Variants in MYO18B observed in about 807,000 individuals in gnomAD.
MYO18B encodes myosin XVIIIB, also known as unconventional myosin-XVIIIb.
Under a neutral mutation model 273.0 loss-of-function variants are expected in MYO18B, and 204 were observed. That is an observed-to-expected ratio of 0.75 (90% CI 0.67 to 0.84). MYO18B has a LOEUF of 0.84. MYO18B is among the 40% of genes least tolerant of loss of function. The pLI, the probability that MYO18B is intolerant of heterozygous loss-of-function variation, is 0.00. For missense variants in MYO18B, 3,212 were observed against 3,287.6 expected, an observed-to-expected ratio of 0.98 and a Z score of 0.56; for synonymous variants, 1,330 against 1,305.7, an observed-to-expected ratio of 1.02 and a Z score of -0.40.
At position 25,781,728 on chromosome 22, in the gene MYO18B, C is replaced by T. The variant is rs2087167070; in HGVS notation, c.2212-6C>T. 6.5e-7 allele frequency: 1 copy of T among 1,538,724 alleles called. No homozygotes were observed. The highest frequency in any genetic ancestry group is 2.0e-5 in the Admixed American group (1 of 48,930). ...CTGACTGGGTGCCCCTCTTCTCTCC[C>T]TGCAGACAATGCTTTTGGAGAAGAG... is the stretch of plus-strand genomic sequence containing the variant. On this transcript the variant is annotated splice_region_variant and splice_polypyrimidine_tract_variant and intron_variant, in intron 9 of 43. Transcript: ENST00000335473.
chr22:25,925,731 C>T (rs1432198470), intron 34 of MYO18B, among the ~76,000 whole-genome samples: 2 of 150,406 alleles, frequency 1.3e-5, no homozygotes, highest in African/African-American at 4.9e-5. Flanking sequence ...ATGGTGAAAC[C>T]CTGTCTCTAC....
intron 11 of MYO18B, among the ~76,000 whole-genome samples, chr22:25,792,791 G>A (rs189080503): frequency 3.9e-5 from 6 of 152,170 alleles, no homozygotes; most frequent in Admixed American, 3.3e-4. Context: ...TTGAATCAGT[G>A]TCCAGCATTT....
chr22:25,799,893 G>T (rs1484428719), intron 12 of MYO18B, among the ~76,000 whole-genome samples: 1 of 152,100 alleles, frequency 6.6e-6, no homozygotes, highest in Non-Finnish European at 1.5e-5. Context: ...ATCATCCATG[G>T]ACATTCACAA....
At chr22:25,890,388 G>T (rs1011155341) in intron 25 of MYO18B, among the ~76,000 whole-genome samples, 4 of 152,238 alleles carry the variant, frequency 2.6e-5, no homozygotes, top group Admixed American at 2.0e-4. Context: ...GTTACGAAGA[G>T]ATTCCACTAA....
At chr22:25,810,098 C>CTT (rs566532119) in intron 12 of MYO18B, among the ~76,000 whole-genome samples, 31 of 132,396 alleles carry the variant, frequency 2.3e-4, no homozygotes, top group Middle Eastern at 3.9e-3. Context: ...TTCCTTCAGG[C>CTT]TTTTTTTTTT....
intron 1 of MYO18B, among the ~76,000 whole-genome samples, chr22:25,749,943 G>T (rs959717716): frequency 6.6e-6 from 1 of 152,206 alleles, no homozygotes; most frequent in Non-Finnish European, 1.5e-5. Context: ...AAGTCAAATT[G>T]AAACAGCCAT....
At chr22:25,901,636 G>A (rs1444926133) in intron 29 of MYO18B, 1 of 152,066 alleles carries the variant, frequency 6.6e-6, no homozygotes, top group East Asian at 1.9e-4. Flanking sequence ...TGGCATATGA[G>A]AGTATAAGCC....
At chr22:25,813,090 C>T (rs2088834374) in intron 12 of MYO18B, among the ~76,000 whole-genome samples, 1 of 150,958 alleles carries the variant, frequency 6.6e-6, no homozygotes, top group Admixed American at 6.6e-5. Flanking sequence ...CTCCCCTCTT[C>T]CCTCTTCTAT....
At chr22:26,055,752 TAA>T in the MYO18B span, among the ~76,000 whole-genome samples, 1 of 152,126 alleles carries the variant, frequency 6.6e-6, no homozygotes, top group Non-Finnish European at 1.5e-5. Flanking sequence ...GTGATTTTTT[TAA>T]AAGAGAGAGA....
chr22:25,990,722 AAAAAG>A (rs2093260229), intron 39 of MYO18B, among the ~76,000 whole-genome samples: 15 of 39,212 alleles, frequency 3.8e-4, no homozygotes, highest in Non-Finnish European at 5.8e-4. Flanking sequence ...AAAAAAAAAG[AAAAAG>A]AAAAAAAAAA....
chr22:26,038,856 T>G, the MYO18B span, among the ~76,000 whole-genome samples: 1 of 152,172 alleles, frequency 6.6e-6, no homozygotes, highest in Non-Finnish European at 1.5e-5. Flanking sequence ...ATATGAGCAT[T>G]TAAAACTTGC....
At chr22:25,868,985 G>A (rs570515190) in intron 22 of MYO18B, among the ~76,000 whole-genome samples, 4 of 152,156 alleles carry the variant, frequency 2.6e-5, no homozygotes, top group African/African-American at 9.7e-5. Flanking sequence ...GGTATTTAGG[G>A]TTTCTCAAAC....
rs185397017 is a variant in MYO18B, at chr22:25,836,327, C to T, written c.3208+884C>T. Among the ~76,000 whole-genome samples the T allele has an allele frequency of 2.6e-5, 4 of 152,214 alleles. No individual in the cohort carries two copies. In the East Asian group the frequency reaches 5.8e-4, roughly 22 times the overall value. On this transcript the variant is annotated intron_variant, in intron 17 of 43. Coordinates refer to ENST00000335473, the MANE Select transcript of MYO18B (RefSeq NM_032608.7). ...CCTTTTTTCTCTAGAATTTCTGCTACGATGATTGGGTAATATTATGTGCAT... is the reference window on the plus strand; with the variant it reads ...CCTTTTTTCTCTAGAATTTCTGCTATGATGATTGGGTAATATTATGTGCAT...
At chr22:26,014,626 T>C (rs1256693782) in intron 42 of MYO18B, among the ~76,000 whole-genome samples, 1 of 152,240 alleles carries the variant, frequency 6.6e-6, no homozygotes, top group African/African-American at 2.4e-5. Flanking sequence ...GAGCTAGGCT[T>C]TTATTCTCTT....
chr22:25,774,238 G>GCT (rs2145620199), intron 7 of MYO18B, among the ~76,000 whole-genome samples: 1 of 152,232 alleles, frequency 6.6e-6, no homozygotes, highest in East Asian at 1.9e-4. Flanking sequence ...ACTCCCAGGG[G>GCT]CTCTCCCACC....
At chr22:25,755,495 C>T (rs2086086284) in intron 1 of MYO18B, among the ~76,000 whole-genome samples, 2 of 152,116 alleles carry the variant, frequency 1.3e-5, no homozygotes, top group South Asian at 2.1e-4. Context: ...CGTGAGCCAC[C>T]GCGCCCAGCC....
At chr22:25,956,715 C>A (rs540550466) in intron 39 of MYO18B, among the ~76,000 whole-genome samples, 15 of 152,258 alleles carry the variant, frequency 9.9e-5, no homozygotes, top group African/African-American at 3.1e-4. Flanking sequence ...CCCCTATCGC[C>A]TACCATCACT....
At chr22:26,007,454 A>G (rs1233770662) in intron 42 of MYO18B, among the ~76,000 whole-genome samples, 1 of 152,208 alleles carries the variant, frequency 6.6e-6, no homozygotes, top group African/African-American at 2.4e-5. Context: ...ACATTCATCC[A>G]GGAGGTAGAC....
At chr22:25,979,797 T>C (rs1198214301) in intron 39 of MYO18B, among the ~76,000 whole-genome samples, 1 of 152,072 alleles carries the variant, frequency 6.6e-6, no homozygotes, top group Non-Finnish European at 1.5e-5. Context: ...CTCCTCCCTT[T>C]CCCTTCCCCT....
Sources: allele counts gnomAD v4.1 joint callset (sites outside exome capture counted in the v4.1 genomes callset), GRCh38; gene constraint gnomAD v4.1.1; transcripts MANE v1.5; gene names NCBI Gene and HGNC (gene_info 2026-07-23, HGNC 2026-07-21).